Variants in NDST4 observed in about 807,000 individuals in gnomAD.
NDST4 encodes N-heparan sulfate sulfotransferase 4.
In NDST4, 63 loss-of-function variants were observed where a neutral mutation model predicts 100.8. That is an observed-to-expected ratio of 0.62 (90% confidence interval 0.51 to 0.77). NDST4 has a LOEUF of 0.77. Among genes scored for constraint, NDST4 ranks in the 30% least tolerant of loss-of-function variants. NDST4 has a pLI of 0.00. For missense variants in NDST4, 943 were observed against 1,018.4 expected (o/e 0.93, Z 1.01); for synonymous variants, 377 against 361.8 (o/e 1.04, Z -0.48).
At chr4:115,106,693 T>C (rs548186676) in intron 1 of NDST4, among the ~76,000 whole-genome samples, 5 of 152,264 alleles carry the variant, frequency 3.3e-5, no homozygotes, top group African/African-American at 9.6e-5. Flanking sequence ...TTTCAGTTAG[T>C]TGAATTCACA....
chr4:114,898,653 C>T (rs1724768254), intron 6 of NDST4, among the ~76,000 whole-genome samples: 1 of 152,146 alleles, frequency 6.6e-6, no homozygotes, highest in African/African-American at 2.4e-5. Context: ...AATATTGAGT[C>T]TTCCTATACA....
intron 2 of NDST4, among the ~76,000 whole-genome samples, chr4:115,046,818 C>T (rs1728472962): frequency 6.6e-6 from 1 of 151,784 alleles, no homozygotes; most frequent in African/African-American, 2.4e-5. Flanking sequence ...GAAATATTGC[C>T]CAATAATTCA....
intron 1 of NDST4, among the ~76,000 whole-genome samples, chr4:115,106,593 T>C (rs547900936): frequency 2.0e-5 from 3 of 152,294 alleles, no homozygotes; most frequent in South Asian, 4.1e-4. Context: ...ATAATTGTTA[T>C]ACTGTATTAT....
intron 2 of NDST4, among the ~76,000 whole-genome samples, chr4:115,058,302 T>G (rs1454405504): frequency 6.6e-6 from 1 of 152,160 alleles, no homozygotes; most frequent in Non-Finnish European, 1.5e-5. Context: ...TTACCCTAAG[T>G]GTATATCCTT....
At position 114,947,044 on chromosome 4, in the gene NDST4, C is replaced by T. The variant is rs138118081; in HGVS notation, c.1222-9541G>A. On this transcript the variant is annotated intron_variant, in intron 4 of 13. Transcript: ENST00000264363. ...GAGAGTAGGGATGAGATAATTTGTG[C>T]GGTAGTTTGAAGAGAGAGGAAAAGG... Among the ~76,000 whole-genome samples the T allele has an allele frequency of 2.2e-4, 33 of 151,090 alleles. No individual in the cohort carries two copies. In the East Asian group the frequency reaches 5.6e-3, roughly 26 times the overall value.
rs758300992 is a variant in NDST4 at position 114,848,216 on chromosome 4, A to G, written c.1939T>C (p.Trp647Arg). ...NGNNYHKGIDWYMDFFPTPSN... is the reference protein window; with the variant it reads ...NGNNYHKGIDRYMDFFPTPSN... ...TTTATTTTTTGTTATTTTTCTTACC[A>G]GTCTATTCCTTTGTGATAGTTGTTG... Residue 647 changes from tryptophan (W) to arginine (R), a missense_variant and splice_region_variant, in exon 9 of 14, where the codon TGG becomes CGG. Physicochemically the swap from Trp to Arg is moderately radical, Grantham distance 101. Coordinates refer to ENST00000264363, the MANE Select transcript of NDST4 (RefSeq NM_022569.3). 1.9e-6 allele frequency: 3 copies of G among 1,592,204 alleles called. No individual in the cohort carries two copies. The highest frequency in any genetic ancestry group is 2.6e-6 in the Non-Finnish European group (3 of 1,173,364).
chr4:115,043,979 G>A (rs896479892), intron 2 of NDST4, among the ~76,000 whole-genome samples: 1 of 152,038 alleles, frequency 6.6e-6, no homozygotes, highest in East Asian at 1.9e-4. Context: ...ATGCGTTTTA[G>A]ATGCTTTATT....
chr4:115,023,281 T>C (rs1024349655), intron 2 of NDST4, among the ~76,000 whole-genome samples: 23 of 151,808 alleles, frequency 1.5e-4, no homozygotes, highest in African/African-American at 5.3e-4. Flanking sequence ...AGGTCCGGAG[T>C]TCGAGACCAG....
chr4:115,068,022 C>T (rs1253603042), intron 2 of NDST4, among the ~76,000 whole-genome samples: 2 of 151,598 alleles, frequency 1.3e-5, no homozygotes, highest in East Asian at 3.9e-4. Context: ...TGATAGTTTG[C>T]TGAGAATGAT....
At chr4:115,071,453 T>G (rs1359363194) in intron 2 of NDST4, among the ~76,000 whole-genome samples, 1 of 152,142 alleles carries the variant, frequency 6.6e-6, no homozygotes, top group African/African-American at 2.4e-5. Flanking sequence ...TTTTTATCCC[T>G]AACACTCTTG....
chr4:114,990,255 TA>T (rs943598914), intron 2 of NDST4, among the ~76,000 whole-genome samples: 1 of 152,054 alleles, frequency 6.6e-6, no homozygotes, highest in African/African-American at 2.4e-5. Context: ...CAATGAAGAA[TA>T]AAAAACACAT....
chr4:115,057,104 C>G (rs1728711745), intron 2 of NDST4, among the ~76,000 whole-genome samples: 1 of 151,998 alleles, frequency 6.6e-6, no homozygotes, highest in Non-Finnish European at 1.5e-5. Context: ...TTATATAATC[C>G]CAGAGGCTGA....
chr4:114,987,181 C>T (rs1377227257), intron 2 of NDST4, among the ~76,000 whole-genome samples: 1 of 151,974 alleles, frequency 6.6e-6, no homozygotes, highest in Non-Finnish European at 1.5e-5. Flanking sequence ...CATACATATA[C>T]ATATACGACA....
At position 115,076,106 on chromosome 4, in the gene NDST4, T is replaced by C. The variant is rs1729174568; in HGVS notation, c.931A>G (p.Ile311Val). The change falls in exon 2 of 14, where the codon ATA (isoleucine) becomes GTA (valine). Residue 311 changes from isoleucine to valine, a missense_variant. Ile to Val is a conservative substitution (Grantham distance 29, BLOSUM62 3). Around this residue, in one of 2 missense-constraint regions of NDST4, gnomAD observed 417 missense variants for 384.2 expected, o/e 1.09. Coordinates refer to ENST00000264363, the MANE Select transcript of NDST4 (RefSeq NM_022569.3). ...CTTGTTCCCTCTTTCCCAACAAATATATCATCAATGTCCACAAGGATGTAC... is the reference window on the plus strand; with the variant it reads ...CTTGTTCCCTCTTTCCCAACAAATACATCATCAATGTCCACAAGGATGTAC... Reference protein sequence around the residue: ...DRYILVDIDDIFVGKEGTRMN... With the variant: ...DRYILVDIDDVFVGKEGTRMN... 1.9e-6 allele frequency: 3 copies of C among 1,613,556 alleles called. No homozygotes were observed. Among genetic ancestry groups the C allele is most frequent in the South Asian group, 1.1e-5 (1 of 90,990 alleles).
chr4:114,958,690 C>T (rs534647207), intron 4 of NDST4, among the ~76,000 whole-genome samples: 53 of 152,232 alleles, frequency 3.5e-4, no homozygotes, highest in African/African-American at 1.3e-3. Flanking sequence ...GAGGAGCTGC[C>T]ATGACAGGTA....
In NDST4 at chr4:114,982,154, A is replaced by G. The variant is rs1483639165; in HGVS notation, c.979-4880T>C. 2.6e-5 allele frequency among the ~76,000 whole-genome samples: 4 copies of G among 152,330 alleles called. No individual in the cohort carries two copies. In the East Asian group the frequency reaches 7.7e-4, roughly 29 times the overall value. ...AGAAAATTGGTATTGGGAGTGGGGC[A>G]CTGCTATAATGACACCTGAAAATGT... On this transcript the variant is annotated intron_variant, in intron 2 of 13. Transcript: ENST00000264363.
At chr4:114,856,191 T>C (rs1723790282) in intron 7 of NDST4, among the ~76,000 whole-genome samples, 1 of 152,126 alleles carries the variant, frequency 6.6e-6, no homozygotes, top group Non-Finnish European at 1.5e-5. Flanking sequence ...GCCTCCGGAT[T>C]ATCTGAGACT....
chr4:114,925,432 C>T lies in NDST4; in HGVS notation c.1536+9774G>A, dbSNP rs373142170. 2.5e-3 allele frequency among the ~76,000 whole-genome samples: 387 copies of T among 152,250 alleles called. 24 individuals are homozygous for T. In the South Asian group the frequency reaches 0.076, roughly 30 times the overall value. ...TATTTCATGTGGATGTTATCCTGTG[C>T]CTCACAGCTGCCTTTTCTCTAACCT... On this transcript the variant is annotated intron_variant, in intron 6 of 13. Transcript: ENST00000264363.
Position 115,035,675 on chromosome 4 carries a change from T to A in NDST4, c.978+40384A>T, listed in dbSNP as rs144632584. Among the ~76,000 whole-genome samples, 409 of 152,150 alleles carry A rather than the reference T, an allele frequency of 2.7e-3. 1 individual carries two copies. The highest frequency in any genetic ancestry group is 9.5e-3 in the African/African-American group (393 of 41,540). The stretch of plus-strand genomic sequence containing the variant: ...GAACATAATGCAATCTGTATTCAGT[T>A]GACTTTTATTCTATATGTGTACCTA... On this transcript the variant is annotated intron_variant, in intron 2 of 13. Coordinates refer to ENST00000264363, the MANE Select transcript of NDST4 (RefSeq NM_022569.3).
Sources: allele counts gnomAD v4.1 joint callset (sites outside exome capture counted in the v4.1 genomes callset), GRCh38; gene constraint gnomAD v4.1.1; regional missense constraint gnomAD v4.1.1; transcripts MANE v1.5; gene names NCBI Gene and HGNC (gene_info 2026-07-23, HGNC 2026-07-21).